CDH4: variants seen among roughly 807,000 people sequenced by gnomAD.
CDH4 encodes the protein cadherin-4.
In CDH4, 33 loss-of-function variants were observed where a neutral mutation model predicts 86.0. That is an observed-to-expected ratio of 0.38 (90% CI 0.29 to 0.51). The LOEUF is 0.51. CDH4 is among the 20% of genes least tolerant of loss of function. The pLI, the probability that CDH4 is intolerant of heterozygous loss-of-function variation, is 0.86. For synonymous variants in CDH4, 555 were observed against 549.4 expected, an observed-to-expected ratio of 1.01 and a Z score of -0.14; for missense variants, 1,114 against 1,307.4, an observed-to-expected ratio of 0.85 and a Z score of 2.28.
chr20:61,725,805 T>C (rs888257670), intron 2 of CDH4, among the ~76,000 whole-genome samples: 1 of 152,016 alleles, frequency 6.6e-6, no homozygotes, highest in Non-Finnish European at 1.5e-5. Context: ...AGGTGGCCTC[T>C]CAGGACAGCA....
chr20:61,725,415 T>C (rs2088098636), intron 2 of CDH4, among the ~76,000 whole-genome samples: 1 of 152,160 alleles, frequency 6.6e-6, no homozygotes, highest in Non-Finnish European at 1.5e-5. Flanking sequence ...TTTCTTCCCC[T>C]GTGGCTTCGC....
chr20:61,333,915 A>G (rs979233144), intron 2 of CDH4, among the ~76,000 whole-genome samples: 1 of 152,140 alleles, frequency 6.6e-6, no homozygotes, highest in African/African-American at 2.4e-5. Flanking sequence ...CAGGGGCACC[A>G]TGAGGTGACT....
chr20:61,737,275 T>A (rs964964992), intron 2 of CDH4, among the ~76,000 whole-genome samples: 7 of 152,122 alleles, frequency 4.6e-5, no homozygotes, highest in African/African-American at 1.7e-4. Context: ...ATTAAATCCA[T>A]CTTGTCCAGA....
chr20:61,850,447 G>A (rs1982661161), intron 5 of CDH4, among the ~76,000 whole-genome samples: 1 of 152,198 alleles, frequency 6.6e-6, no homozygotes, highest in African/African-American at 2.4e-5. Flanking sequence ...ACGCCTTGGA[G>A]GGAACCCACA....
intron 2 of CDH4, among the ~76,000 whole-genome samples, chr20:61,308,162 G>A (rs564077632): frequency 1.0e-3 from 157 of 152,260 alleles, no homozygotes; most frequent in African/African-American, 3.4e-3. Flanking sequence ...TATTCCTTTC[G>A]TCTTTTTATG....
intron 2 of CDH4, among the ~76,000 whole-genome samples, chr20:61,471,204 TATTACTC>T (rs2085500177): frequency 6.6e-6 from 1 of 152,022 alleles, no homozygotes; most frequent in Non-Finnish European, 1.5e-5. Context: ...GCTTTGATCT[TATTACTC>T]ATTATTGGTC....
chr20:61,301,489 G>A (rs946104776), intron 2 of CDH4, among the ~76,000 whole-genome samples: 2 of 152,156 alleles, frequency 1.3e-5, no homozygotes, highest in African/African-American at 2.4e-5. Flanking sequence ...GATGCTTCGC[G>A]AGGCCTCTTG....
intron 2 of CDH4, among the ~76,000 whole-genome samples, chr20:61,688,890 C>T (rs183436726): frequency 9.4e-4 from 143 of 152,376 alleles, no homozygotes; most frequent in Non-Finnish European, 1.7e-3. Flanking sequence ...TAGAGAGAGG[C>T]ACCGCTAGTT....
rs377203494 is a variant in CDH4 at position 61,375,522 on chromosome 20, G to A, written c.169+120585G>A. Reference sequence around the variant, plus strand: ...TCTTGGTGGTGGTGATGATGGTGTGGTTTGTTGATGGTAGTGTGATGGTCT... The same window carrying A: ...TCTTGGTGGTGGTGATGATGGTGTGATTTGTTGATGGTAGTGTGATGGTCT... On this transcript the variant is annotated intron_variant, in intron 2 of 15. Coordinates refer to ENST00000614565, the MANE Select transcript of CDH4 (RefSeq NM_001794.5). 1.1e-4 allele frequency among the ~76,000 whole-genome samples: 17 copies of A among 151,784 alleles called. No individual in the cohort carries two copies. In the East Asian group the frequency reaches 1.9e-3, roughly 17 times the overall value.
intron 13 of CDH4, among the ~76,000 whole-genome samples, chr20:61,932,564 T>G (rs2055124126): frequency 6.6e-6 from 1 of 151,644 alleles, no homozygotes; most frequent in Non-Finnish European, 1.5e-5. Flanking sequence ...TCTACACACA[T>G]GAACACACGA....
intron 2 of CDH4, among the ~76,000 whole-genome samples, chr20:61,579,638 G>A (rs374961879): frequency 3.7e-4 from 57 of 152,162 alleles, no homozygotes; most frequent in African/African-American, 1.2e-3. Context: ...CCCAGGTTGT[G>A]TTCCCTGAAA....
rs546566393 is a variant in CDH4, at chr20:61,858,889, G to A, written c.877+5991G>A. Among the ~76,000 whole-genome samples the A allele has an allele frequency of 2.5e-4, 38 of 152,256 alleles. No individual in the cohort carries two copies. The South Asian group carries it at 5.6e-3, about 22-fold the overall frequency. On this transcript the variant is annotated intron_variant, in intron 6 of 15. Coordinates refer to ENST00000614565, the MANE Select transcript of CDH4 (RefSeq NM_001794.5). ...AGCACCCATTCCTGCATGGGGTCTC[G>A]TGTGAACATAAGTTTCCATTTCTCT...
intron 2 of CDH4, among the ~76,000 whole-genome samples, chr20:61,410,594 T>C (rs1362523109): frequency 6.6e-6 from 1 of 150,760 alleles, no homozygotes; most frequent in African/African-American, 2.5e-5. Context: ...CTGTCAATCA[T>C]CCATCTACAC....
In CDH4 at chr20:61,722,616, CA is replaced by C. The variant is rs2088055338; in HGVS notation, c.170-20946del. Among the ~76,000 whole-genome samples the C allele has an allele frequency of 2.6e-5, 4 of 151,650 alleles. No homozygotes were observed. The South Asian group carries it at 8.3e-4, about 32-fold the overall frequency. Reference sequence around the variant, plus strand: ...CTTCCACTCTGTCCCAAGGACTCTGCAGGGCAGGGCGCCCCCCCACCCCCCA... The same window carrying C: ...CTTCCACTCTGTCCCAAGGACTCTGCGGGCAGGGCGCCCCCCCACCCCCCA... On this transcript the variant is annotated intron_variant, in intron 2 of 15. Transcript: ENST00000614565.
intron 2 of CDH4, among the ~76,000 whole-genome samples, chr20:61,653,205 T>C (rs1172281550): frequency 7.6e-6 from 1 of 130,720 alleles, no homozygotes; most frequent in Non-Finnish European, 1.7e-5. Context: ...TTAATCCATT[T>C]AACCCTGAGT....
intron 2 of CDH4, among the ~76,000 whole-genome samples, chr20:61,257,903 G>A (rs2084107758): frequency 6.6e-6 from 1 of 152,188 alleles, no homozygotes; most frequent in South Asian, 2.1e-4. Context: ...GGAACCGAGG[G>A]CTCCCGGGTC....
At chr20:61,255,957 T>G (rs2427017) in intron 2 of CDH4, among the ~76,000 whole-genome samples, 147,238 of 152,264 alleles carry the variant, frequency 0.97, 71,351 homozygotes, top group East Asian at 1. Flanking sequence ...ACTTAGTTTT[T>G]TTATCTAAAC....
chr20:61,786,558 G>C (rs1034647461), intron 4 of CDH4, among the ~76,000 whole-genome samples: 3 of 152,154 alleles, frequency 2.0e-5, no homozygotes, highest in African/African-American at 4.8e-5. Flanking sequence ...TCCCTTTCTT[G>C]AAATGCTTTA....
intron 2 of CDH4, among the ~76,000 whole-genome samples, chr20:61,382,125 A>C (rs1433188623): frequency 2.0e-5 from 3 of 152,216 alleles, no homozygotes; most frequent in Non-Finnish European, 4.4e-5. Flanking sequence ...TGTTCTGAGC[A>C]GAAATGTTTA....
Sources: allele counts gnomAD v4.1 joint callset (sites outside exome capture counted in the v4.1 genomes callset), GRCh38; gene constraint gnomAD v4.1.1; transcripts MANE v1.5; gene names NCBI Gene and HGNC (gene_info 2026-07-23, HGNC 2026-07-21).